Variants in P4HA2 observed in about 807,000 individuals in gnomAD.
P4HA2 encodes prolyl 4-hydroxylase subunit alpha-2.
P4HA2 carries 46 observed loss-of-function variants against 76.9 expected under a neutral mutation model. That is an observed-to-expected ratio of 0.60 (90% CI 0.47 to 0.76). P4HA2 has a LOEUF of 0.76. Ranked by LOEUF, P4HA2 falls within the 30% of genes least tolerant of loss-of-function variation. The pLI, the probability that P4HA2 is intolerant of heterozygous loss-of-function variation, is 0.00. For synonymous variants in P4HA2, 243 were observed against 254.0 expected (o/e 0.96, Z 0.41); for missense variants, 583 against 669.4 (o/e 0.87, Z 1.42).
rs928029213 is a variant in P4HA2 at position 132,195,396 on chromosome 5, A to G, written c.1434+16T>C. On this transcript the variant is annotated intron_variant, in intron 13 of 14. Coordinates refer to ENST00000360568, the MANE Select transcript of P4HA2 (RefSeq NM_001017974.2). ...AGCCTTGCTTCAACCTCTGACCCAC[A>G]AGAATCAGAACTTACCTTCTTAGGC... The G allele has an allele frequency of 1.3e-6, 2 of 1,587,130 alleles. No individual in the cohort carries two copies. Among genetic ancestry groups the G allele is most frequent in the African/African-American group, 2.7e-5 (2 of 74,456 alleles).
At chr5:132,197,046 T>C (rs751793414) in intron 12 of P4HA2, among the ~76,000 whole-genome samples, 21 of 152,162 alleles carry the variant, frequency 1.4e-4, no homozygotes, top group Non-Finnish European at 2.9e-4. Context: ...CAGGCTTCTG[T>C]CTCCAAGTTA....
chr5:132,204,693 C>T (rs559662714), intron 8 of P4HA2, among the ~76,000 whole-genome samples: 29 of 152,334 alleles, frequency 1.9e-4, no homozygotes, highest in African/African-American at 6.7e-4. Flanking sequence ...GTTCCCACAG[C>T]CTCAAGAAGC....
In P4HA2 at chr5:132,218,580, A is replaced by T. The variant is rs541535045; in HGVS notation, c.47T>A (p.Leu16Gln). Residue 16 changes from leucine to glutamine, a missense_variant, in exon 2 of 15, where the codon CTG becomes CAG. Coordinates refer to ENST00000360568, the MANE Select transcript of P4HA2 (RefSeq NM_001017974.2). ...GAAGAATTCGGCCTGCACACAGCTC[A>T]GGACACCAAACCAGGCCATCAGCAA... ...SALLMAWFGV[L>Q]SCVQAEFFTS... 88 of 1,614,014 alleles carry T rather than the reference A, an allele frequency of 5.5e-5. 4 individuals carry two copies. The South Asian group carries it at 9.0e-4, about 17-fold the overall frequency.
chr5:132,210,272 G>A lies in P4HA2; in HGVS notation c.709+12C>T. 3 of 1,613,828 alleles carry A rather than the reference G, an allele frequency of 1.9e-6. No individual in the cohort carries two copies. Among genetic ancestry groups the A allele is most frequent in the African/African-American group, 2.7e-5 (2 of 75,030 alleles). On this transcript the variant is annotated intron_variant, in intron 6 of 14. Transcript: ENST00000360568. ...TCCATTCCCATCTTACCTTCCCCTA[G>A]AATCTCCTTACCAAGGGAGAGCAGG...
rs1752374886 is a variant in P4HA2, at chr5:132,207,652, G to A, written c.1080+56C>T. 3 of 1,491,452 alleles carry A rather than the reference G, an allele frequency of 2.0e-6. No individual in the cohort carries two copies. In the South Asian group the frequency reaches 3.5e-5, roughly 17 times the overall value. The allele number at this position is 1,491,452 out of a possible 1,614,324, so 92.4% of individuals were successfully genotyped here. A position where few individuals can be genotyped will look rare whatever the true frequency, so the allele number is the denominator to read the frequency against. On this transcript the variant is annotated intron_variant, in intron 8 of 14. Transcript: ENST00000360568. Reference sequence around the variant, plus strand: ...ACCAACCACCCATAGTGCTAGGGATGAGAAAAAGGACCTTCCCCCTTCAGT... The same window carrying A: ...ACCAACCACCCATAGTGCTAGGGATAAGAAAAAGGACCTTCCCCCTTCAGT...
chr5:132,198,469 A>G lies in P4HA2; in HGVS notation c.1306-89T>C, dbSNP rs890259706. ...GGACCAAAAGGGTCAGGGAAAAGTA[A>G]TAAGTGTGTGTTCCATAAATCAGCC... On this transcript the variant is annotated intron_variant, in intron 11 of 14. Transcript: ENST00000360568. 4.8e-5 allele frequency: 58 copies of G among 1,205,202 alleles called. 1 individual carries two copies. The highest frequency in any genetic ancestry group is 6.5e-5 in the Non-Finnish European group (54 of 825,186). The allele number at this position is 1,205,202 out of a possible 1,614,324, so 74.7% of individuals were successfully genotyped here.
In P4HA2 at chr5:132,219,368, T is replaced by C. The variant is rs142332796; in HGVS notation, c.-18-724A>G. On this transcript the variant is annotated intron_variant, in intron 1 of 14. Transcript: ENST00000360568. ...CTGAAGACCTGCAGATGCCAGGCACTGATCTAGGCACTCAGGATACAAAAA... is the reference window on the plus strand; with the variant it reads ...CTGAAGACCTGCAGATGCCAGGCACCGATCTAGGCACTCAGGATACAAAAA... Among the ~76,000 whole-genome samples, 79 of 152,358 alleles carry C rather than the reference T, an allele frequency of 5.2e-4. 1 individual carries two copies. Among genetic ancestry groups the C allele is most frequent in the African/African-American group, 1.8e-3 (75 of 41,580 alleles).
intron 4 of P4HA2, among the ~76,000 whole-genome samples, chr5:132,214,591 AC>A: frequency 6.6e-6 from 1 of 152,102 alleles, no homozygotes. Flanking sequence ...CTCATTACTG[AC>A]CACTGGCACT....
chr5:132,218,148 C>T (rs1754182365), intron 2 of P4HA2, among the ~76,000 whole-genome samples: 1 of 152,192 alleles, frequency 6.6e-6, no homozygotes, highest in Non-Finnish European at 1.5e-5. Flanking sequence ...GGTCATGACA[C>T]TGGGGCATGG....
chr5:132,217,592 T>C (rs1754093630), intron 3 of P4HA2, 160 bp downstream of exon 3: 29 of 660,882 alleles, frequency 4.4e-5, no homozygotes, highest in Non-Finnish European at 5.5e-6. Context: ...CCTTAGCCCA[T>C]GTACTTAGCT....
intron 1 of P4HA2, among the ~76,000 whole-genome samples, chr5:132,219,250 C>T (rs949486836): frequency 6.6e-6 from 1 of 152,224 alleles, no homozygotes; most frequent in African/African-American, 2.4e-5. Context: ...TCAGAGGAGA[C>T]AGTCTCCTAG....
intron 4 of P4HA2, among the ~76,000 whole-genome samples, chr5:132,214,726 G>A (rs901454489): frequency 2.6e-5 from 4 of 151,912 alleles, no homozygotes; most frequent in African/African-American, 4.8e-5. Flanking sequence ...AGCAAGGTCC[G>A]TCCCCTAAGA....
intron 1 of P4HA2, among the ~76,000 whole-genome samples, chr5:132,219,137 C>T (rs1416455178): frequency 6.6e-6 from 1 of 152,178 alleles, no homozygotes; most frequent in African/African-American, 2.4e-5. Context: ...GACACAATAT[C>T]CTCCAGAGTA....
intron 5 of P4HA2, among the ~76,000 whole-genome samples, chr5:132,213,340 CAG>C (rs1561487093): frequency 1.3e-5 from 2 of 152,088 alleles, no homozygotes; most frequent in Non-Finnish European, 2.9e-5. Flanking sequence ...GGAAAATGGA[CAG>C]AGTGTAGATT....
In P4HA2 at chr5:132,195,419, G is replaced by A. The variant is rs772697844; in HGVS notation, c.1427C>T (p.Pro476Leu). The A allele has an allele frequency of 6.2e-7, 1 of 1,611,552 alleles. No homozygotes were observed. The highest frequency in any genetic ancestry group is 8.5e-7 in the Non-Finnish European group (1 of 1,177,692). Residue 476 changes from proline to leucine, a missense_variant, in exon 13 of 15, where the codon CCT becomes CTT. By Grantham distance (98) the Pro-to-Leu change is moderately conservative. Coordinates refer to ENST00000360568, the MANE Select transcript of P4HA2 (RefSeq NM_001017974.2). ...VFPDLGAAIW[P>L]KKGTAVFWYN... ...ACAAGAATCAGAACTTACCTTCTTA[G>A]GCCAAATTGCAGCCCCCAGATCAGG...
At chr5:132,216,039 C>T (rs369742110) in intron 4 of P4HA2, among the ~76,000 whole-genome samples, 1 of 151,332 alleles carries the variant, frequency 6.6e-6, no homozygotes, top group African/African-American at 2.4e-5. Flanking sequence ...GTGGCATGTG[C>T]CTATAGTCCC....
intron 1 of P4HA2, chr5:132,226,715 C>T (rs1755446858): frequency 6.6e-6 from 1 of 152,374 alleles, no homozygotes; most frequent in Non-Finnish European, 1.5e-5. Context: ...TCCAGCAATA[C>T]CTGAGGCAGG....
At chr5:132,222,023 C>A (rs757905443) in intron 1 of P4HA2, 6 of 152,258 alleles carry the variant, frequency 3.9e-5, no homozygotes, top group Non-Finnish European at 8.8e-5. Context: ...AAACCAGCAG[C>A]GTCCTTAGCT....
chr5:132,223,945 G>A (rs753873221), intron 1 of P4HA2, among the ~76,000 whole-genome samples: 2 of 152,202 alleles, frequency 1.3e-5, no homozygotes, highest in Non-Finnish European at 2.9e-5. Flanking sequence ...CTCCCAAACA[G>A]GGAAGCCACA....
Sources: gnomAD v4.1 joint callset for allele counts (sites outside exome capture counted in the v4.1 genomes callset) on GRCh38, gnomAD v4.1.1 for gene constraint, MANE v1.5 for transcripts, NCBI Gene and HGNC (gene_info 2026-07-23, HGNC 2026-07-21) for gene names.